The following OSBPL8 variants were observed in gnomAD, a reference collection of about 807,000 sequenced individuals.
OSBPL8 encodes oxysterol binding protein like 8, also known as oxysterol-binding protein-related protein 8.
OSBPL8 carries 59 observed loss-of-function variants against 125.5 expected under a neutral mutation model. That is an observed-to-expected ratio of 0.47 (90% CI 0.38 to 0.58). The LOEUF is 0.58. Among genes scored for constraint, OSBPL8 ranks in the 20% least tolerant of loss-of-function variants. The pLI is 0.00. For missense variants in OSBPL8, 758 were observed against 1,047.8 expected, an observed-to-expected ratio of 0.72 and a Z score of 3.82; for synonymous variants, 330 against 338.9, an observed-to-expected ratio of 0.97 and a Z score of 0.29.
intron 3 of OSBPL8, among the ~76,000 whole-genome samples, chr12:76,456,123 TA>T (rs1874011550): frequency 6.6e-6 from 1 of 152,226 alleles, no homozygotes; most frequent in Admixed American, 6.5e-5. Context: ...TGAAGAATTT[TA>T]CAAGTTTCAA....
intron 4 of OSBPL8, among the ~76,000 whole-genome samples, chr12:76,439,205 C>T (rs762135664): frequency 1.1e-4 from 17 of 152,158 alleles, no homozygotes; most frequent in Non-Finnish European, 2.1e-4. Flanking sequence ...ATGGTGAAAC[C>T]CCATCTTTAC....
At chr12:76,483,236 G>C (rs1200185141) in intron 2 of OSBPL8, among the ~76,000 whole-genome samples, 1 of 152,018 alleles carries the variant, frequency 6.6e-6, no homozygotes, top group Non-Finnish European at 1.5e-5. Context: ...ACTCCAGCCT[G>C]GGTGACAGAG....
chr12:76,385,937 G>A (rs2136271540), intron 14 of OSBPL8: 2 of 511,532 alleles, frequency 3.9e-6, no homozygotes, highest in East Asian at 1.0e-4. Context: ...CATAGCAAAG[G>A]AAAAATAAAG....
chr12:76,457,564 G>A (rs539839431), intron 3 of OSBPL8, among the ~76,000 whole-genome samples: 4 of 151,998 alleles, frequency 2.6e-5, no homozygotes, highest in African/African-American at 7.3e-5. Context: ...AAGTGGACTC[G>A]TGTAGTTAAA....
In OSBPL8 at chr12:76,390,568, T is replaced by C. The variant is rs1007790427; in HGVS notation, c.1019A>G (p.Asp340Gly). 3.7e-6 allele frequency: 6 copies of C among 1,613,678 alleles called. No individual in the cohort carries two copies. Among genetic ancestry groups the C allele is most frequent in the Non-Finnish European group, 5.1e-6 (6 of 1,179,800 alleles). The change falls in exon 11 of 24, where the codon GAT (aspartate) becomes GGT (glycine). Residue 340 changes from aspartate (D) to glycine (G), a missense_variant. Physicochemically the swap from Asp to Gly is moderately conservative, Grantham distance 94. Coordinates refer to ENST00000261183, the MANE Select transcript of OSBPL8 (RefSeq NM_020841.5). ...KSDKENDQEHDESDNEVMGKS... is the reference protein window; with the variant it reads ...KSDKENDQEHGESDNEVMGKS... ...CCCCATCACCTCATTATCAGACTCA[T>C]CATGTTCTTGATCATTTTCTTTATC...
chr12:76,504,787 T>C (rs545803183), intron 1 of OSBPL8, among the ~76,000 whole-genome samples: 2 of 152,346 alleles, frequency 1.3e-5, no homozygotes, highest in African/African-American at 4.8e-5. Context: ...TGCCAGCTAC[T>C]GTTCCAGAGG....
At chr12:76,502,546 G>A (rs1880009931) in intron 1 of OSBPL8, among the ~76,000 whole-genome samples, 1 of 152,194 alleles carries the variant, frequency 6.6e-6, no homozygotes. Context: ...AAGTATGTCT[G>A]AAATACAGGA....
At chr12:76,397,312 C>T (rs1953850161) in intron 8 of OSBPL8, among the ~76,000 whole-genome samples, 1 of 105,986 alleles carries the variant, frequency 9.4e-6, no homozygotes, top group African/African-American at 3.7e-5. Flanking sequence ...TCCTACTTAC[C>T]ATTTTGACAA....
intron 4 of OSBPL8, chr12:76,423,381 G>T (rs1487212549): frequency 6.6e-6 from 1 of 152,150 alleles, no homozygotes; most frequent in African/African-American, 2.4e-5. Context: ...CCATAATGCT[G>T]TATGCTCTAA....
chr12:76,533,428 G>A (rs1157755846), intron 1 of OSBPL8, among the ~76,000 whole-genome samples: 1 of 152,000 alleles, frequency 6.6e-6, no homozygotes, highest in Non-Finnish European at 1.5e-5. Context: ...AAGGATTTGC[G>A]GTAAACTTCA....
At chr12:76,373,285 AT>A (rs71311107) in intron 18 of OSBPL8, 58 bp downstream of exon 18, 225 of 920,624 alleles carry the variant, frequency 2.4e-4, no homozygotes, top group South Asian at 4.0e-4. Context: ...TTTAAATGTG[AT>A]TTTTTTTTTC....
chr12:76,395,766 C>T (rs1337122244), intron 8 of OSBPL8, among the ~76,000 whole-genome samples: 1 of 151,990 alleles, frequency 6.6e-6, no homozygotes, highest in Non-Finnish European at 1.5e-5. Flanking sequence ...ATTCAAGTAC[C>T]TGACACAAAG....
chr12:76,500,063 A>G (rs1182443487), intron 1 of OSBPL8, among the ~76,000 whole-genome samples: 1 of 152,164 alleles, frequency 6.6e-6, no homozygotes, highest in East Asian at 1.9e-4. Flanking sequence ...TATCAGTTTT[A>G]TACCTAGTTT....
intron 4 of OSBPL8, among the ~76,000 whole-genome samples, chr12:76,414,198 A>G (rs1868350770): frequency 6.6e-6 from 1 of 152,084 alleles, no homozygotes; most frequent in Admixed American, 6.6e-5. Context: ...ATGTTCACAA[A>G]TGTGTAGGTC....
chr12:76,394,237 TA>T (rs1006673681), intron 9 of OSBPL8, among the ~76,000 whole-genome samples: 3 of 151,630 alleles, frequency 2.0e-5, no homozygotes, highest in Non-Finnish European at 4.4e-5. Context: ...AAAGGAGGAA[TA>T]AAAAAGGTTG....
At chr12:76,360,208 G>A (rs545858392) in intron 21 of OSBPL8, among the ~76,000 whole-genome samples, 229 of 152,306 alleles carry the variant, frequency 1.5e-3, no homozygotes, top group African/African-American at 5.2e-3. Flanking sequence ...AAATACAACT[G>A]TTCCAAATGG....
chr12:76,463,502 G>A (rs1164875186), intron 2 of OSBPL8, among the ~76,000 whole-genome samples: 1 of 152,158 alleles, frequency 6.6e-6, no homozygotes, highest in Non-Finnish European at 1.5e-5. Context: ...GAAAGGTTCA[G>A]GCTGGTAAGA....
At chr12:76,368,309 T>C (rs1202152006) in intron 21 of OSBPL8, among the ~76,000 whole-genome samples, 2 of 152,224 alleles carry the variant, frequency 1.3e-5, no homozygotes, top group Non-Finnish European at 2.9e-5. Context: ...GTGTATGTGA[T>C]AAGTTGTTTC....
Position 76,353,547 on chromosome 12 carries a change from T to C in OSBPL8, c.*2342A>G, listed in dbSNP as rs1240444627. ...TTTACGGTCCATGTGTGAAGGAAGA[T>C]TAATTTCAGGTAAATAACATTCAAA... On this transcript the variant is annotated 3_prime_UTR_variant, in exon 24 of 24. Transcript: ENST00000261183. 1 of 152,266 alleles carries C rather than the reference T, an allele frequency of 6.6e-6. No homozygotes were observed. Among genetic ancestry groups the C allele is most frequent in the African/African-American group, 2.4e-5 (1 of 41,444 alleles). 9.4% of individuals were successfully genotyped at this position (152,266 alleles called of 1,614,324 possible).
Sources: allele counts gnomAD v4.1 joint callset (sites outside exome capture counted in the v4.1 genomes callset), GRCh38; gene constraint gnomAD v4.1.1; transcripts MANE v1.5; gene names NCBI Gene and HGNC (gene_info 2026-07-23, HGNC 2026-07-21).